Variants in NFAM1 observed in about 807,000 individuals in gnomAD.
The protein encoded by NFAM1 is NFAT activating protein with ITAM motif 1.
A neutral mutation model predicts 29.0 loss-of-function variants in NFAM1; 17 were observed. The observed-to-expected ratio is 0.59, with a 90% CI of 0.40 to 0.88. The LOEUF is 0.88. Ranked by LOEUF, NFAM1 falls within the 40% of genes least tolerant of loss-of-function variation. NFAM1 has a pLI of 0.00. For synonymous variants in NFAM1, 175 were observed against 147.2 expected (o/e 1.19, Z -1.36); for missense variants, 324 against 344.6 (o/e 0.94, Z 0.47).
intron 3 of NFAM1, 58 bp from the exon 4 acceptor site, chr22:42,398,014 C>T (rs1370704597): frequency 2.2e-6 from 2 of 891,428 alleles, no homozygotes; most frequent in East Asian, 5.1e-5. Flanking sequence ...CCTCCCCGCA[C>T]AGACCCCCCA....
At chr22:42,418,647 C>G (rs1033774969) in intron 1 of NFAM1, among the ~76,000 whole-genome samples, 2 of 151,466 alleles carry the variant, frequency 1.3e-5, no homozygotes, top group Non-Finnish European at 2.9e-5. Flanking sequence ...GAGCCGAGAT[C>G]GCACTGCTAC....
chr22:42,395,611 G>A (rs749289631), intron 4 of NFAM1, among the ~76,000 whole-genome samples: 4 of 151,822 alleles, frequency 2.6e-5, no homozygotes, highest in Non-Finnish European at 5.9e-5. Flanking sequence ...GGCCAGGCGC[G>A]GTGGCTCACA....
At chr22:42,394,917 AAACCAG>A (rs961042186) in intron 4 of NFAM1, among the ~76,000 whole-genome samples, 1 of 152,128 alleles carries the variant, frequency 6.6e-6, no homozygotes, top group Non-Finnish European at 1.5e-5. Flanking sequence ...CAGGAACTCA[AAACCAG>A]CCTGGGCAAT....
chr22:42,420,721 A>G (rs6002731), intron 1 of NFAM1, among the ~76,000 whole-genome samples: 46,748 of 149,018 alleles, frequency 0.31, 7,430 homozygotes, highest in Admixed American at 0.43. Flanking sequence ...AGCCGAGATC[A>G]CGCACGCCAC....
chr22:42,416,995 C>A (rs1930281454), intron 1 of NFAM1, among the ~76,000 whole-genome samples: 1 of 152,120 alleles, frequency 6.6e-6, no homozygotes, highest in African/African-American at 2.4e-5. Context: ...TCCCCCACTT[C>A]CGTGGGGGCC....
At chr22:42,422,958 C>G (rs1930495957) in intron 1 of NFAM1, among the ~76,000 whole-genome samples, 1 of 151,868 alleles carries the variant, frequency 6.6e-6, no homozygotes, top group African/African-American at 2.4e-5. Flanking sequence ...ACTAAAAATA[C>G]AAACATTAGC....
At chr22:42,386,396 A>ACACACACACACAT (rs1555968132) in intron 5 of NFAM1, among the ~76,000 whole-genome samples, 1 of 125,186 alleles carries the variant, frequency 8.0e-6, no homozygotes, top group South Asian at 2.4e-4. Context: ...AAAACAAACA[A>ACACACACACACAT]ACACACACAC....
chr22:42,429,982 G>A (rs1275732886), intron 1 of NFAM1, among the ~76,000 whole-genome samples: 1 of 152,198 alleles, frequency 6.6e-6, no homozygotes, highest in Non-Finnish European at 1.5e-5. Flanking sequence ...CGGGTTGGGG[G>A]TTGGGCACAG....
intron 3 of NFAM1, among the ~76,000 whole-genome samples, chr22:42,398,950 G>A (rs573610038): frequency 2.6e-5 from 4 of 152,284 alleles, no homozygotes; most frequent in East Asian, 3.9e-4. Context: ...TGGTTTTGCC[G>A]AAACATGGTA....
At chr22:42,385,984 G>A (rs2050906842) in intron 5 of NFAM1, among the ~76,000 whole-genome samples, 1 of 152,224 alleles carries the variant, frequency 6.6e-6, no homozygotes, top group Non-Finnish European at 1.5e-5. Flanking sequence ...CTCTGGTGCA[G>A]ATGTTATTCA....
Position 42,420,012 on chromosome 22 carries a change from T to G in NFAM1, c.122-8276A>C, listed in dbSNP as rs954640113. On this transcript the variant is annotated intron_variant, in intron 1 of 5. Coordinates refer to ENST00000329021, the MANE Select transcript of NFAM1 (RefSeq NM_145912.8). ...TTGGTTTTTTTTTTTTTTTTTTTTT[T>G]TTTTTTTTTTTTTTCTGAGGCAGAA... 1.8e-3 allele frequency among the ~76,000 whole-genome samples: 255 copies of G among 138,524 alleles called. 3 individuals carry two copies. Among genetic ancestry groups the G allele is most frequent in the Non-Finnish European group, 3.1e-3 (198 of 64,234 alleles). 90.9% of individuals were successfully genotyped at this position (138,524 alleles called of 152,430 possible).
Position 42,422,487 on chromosome 22 carries a change from C to T in NFAM1, c.121+9750G>A, listed in dbSNP as rs547852161. The stretch of plus-strand genomic sequence containing the variant: ...TGGGCATGGTGGCACGCACCTGTAG[C>T]CCCAGCTACTCAGGAGGCTGGGCAG... On this transcript the variant is annotated intron_variant, in intron 1 of 5. Coordinates refer to ENST00000329021, the MANE Select transcript of NFAM1 (RefSeq NM_145912.8). 5.9e-4 allele frequency among the ~76,000 whole-genome samples: 89 copies of T among 152,052 alleles called. 1 individual carries two copies. Among genetic ancestry groups the T allele is most frequent in the Admixed American group, 5.4e-3 (83 of 15,260 alleles).
At chr22:42,400,772 A>T (rs11090097) in intron 3 of NFAM1, among the ~76,000 whole-genome samples, 36,528 of 152,174 alleles carry the variant, frequency 0.24, 6,476 homozygotes, top group African/African-American at 0.48. Context: ...AGTCAGAGGT[A>T]GTGGTCTGCC....
chr22:42,398,181 G>A lies in NFAM1; in HGVS notation c.565-225C>T, dbSNP rs1382889854. 3.3e-5 allele frequency among the ~76,000 whole-genome samples: 5 copies of A among 152,188 alleles called. No homozygotes were observed. In the East Asian group the frequency reaches 9.7e-4, roughly 29 times the overall value. On this transcript the variant is annotated intron_variant, in intron 3 of 5. Coordinates refer to ENST00000329021, the MANE Select transcript of NFAM1 (RefSeq NM_145912.8). ...CAGGAAATGGAAAAGGCCCACACGA[G>A]GTGATGTCCCTGGACAGAGCACCTG...
chr22:42,387,753 C>T (rs1569224889), intron 4 of NFAM1, among the ~76,000 whole-genome samples: 1 of 152,124 alleles, frequency 6.6e-6, no homozygotes, highest in Non-Finnish European at 1.5e-5. Flanking sequence ...TCCTGGGCCA[C>T]CTGGGCTGCT....
In NFAM1 at chr22:42,388,564, T is replaced by C. The variant is rs961227446; in HGVS notation, c.664-1486A>G. 1.3e-5 allele frequency among the ~76,000 whole-genome samples: 2 copies of C among 152,024 alleles called. No homozygotes were observed. Among genetic ancestry groups the C allele is most frequent in the African/African-American group, 4.8e-5 (2 of 41,388 alleles). ...GCCGGCTGGTTGCCAAGGAGGCGGTTTCCCTGGCAACAGGCAAGCAGGGGT... is the reference window on the plus strand; with the variant it reads ...GCCGGCTGGTTGCCAAGGAGGCGGTCTCCCTGGCAACAGGCAAGCAGGGGT... On this transcript the variant is annotated intron_variant, in intron 4 of 5. Transcript: ENST00000329021. This position sits in a 1 kb window ranked among gnomAD's most constrained non-coding sequence, Gnocchi z 4.1.
intron 4 of NFAM1, among the ~76,000 whole-genome samples, chr22:42,394,521 A>C (rs1929454527): frequency 2.0e-5 from 3 of 152,220 alleles, no homozygotes; most frequent in South Asian, 4.1e-4. Flanking sequence ...GTAACCAGTG[A>C]GGAAAGGAAG....
intron 1 of NFAM1, among the ~76,000 whole-genome samples, chr22:42,417,778 C>G (rs986264510): frequency 1.1e-4 from 17 of 152,076 alleles, no homozygotes; most frequent in Admixed American, 5.2e-4. Flanking sequence ...GAGAGGGCAC[C>G]CATAGTGAGG....
chr22:42,423,091 C>T (rs534480238), intron 1 of NFAM1, among the ~76,000 whole-genome samples: 12 of 116,902 alleles, frequency 1.0e-4, no homozygotes, highest in African/African-American at 3.6e-4. Context: ...CCAGGCTAGG[C>T]GACAGAGCAA....
Sources: gnomAD v4.1 joint callset for allele counts (sites outside exome capture counted in the v4.1 genomes callset) on GRCh38, gnomAD v4.1.1 for gene constraint, Gnocchi (gnomAD v3.1) non-coding constraint, MANE v1.5 for transcripts, NCBI Gene and HGNC (gene_info 2026-07-23, HGNC 2026-07-21) for gene names.